Variants in PTN observed in about 807,000 individuals in gnomAD.
PTN encodes heparin affin regulatory protein.
A neutral mutation model predicts 24.1 loss-of-function variants in PTN; 18 were observed. The ratio of observed to expected loss-of-function variants is 0.75; its 90% CI spans 0.52 to 1.11. The LOEUF (loss-of-function observed/expected upper bound fraction) is 1.11. Among genes scored for constraint, PTN ranks in the 50% least tolerant of loss-of-function variants. The pLI, the probability that PTN is intolerant of heterozygous loss-of-function variation, is 0.00. For synonymous variants in PTN, 78 were observed against 68.6 expected (o/e 1.14, Z -0.67); for missense variants, 163 against 198.8 (o/e 0.82, Z 1.08).
intron 1 of PTN, among the ~76,000 whole-genome samples, chr7:137,329,098 A>C (rs1028561724): frequency 2.6e-5 from 4 of 152,112 alleles, no homozygotes; most frequent in African/African-American, 7.2e-5. Context: ...TCTGAGATAC[A>C]TTTCCCTCAT....
At chr7:137,238,425 T>C (rs1490563754) in intron 4 of PTN, among the ~76,000 whole-genome samples, 1 of 152,204 alleles carries the variant, frequency 6.6e-6, no homozygotes, top group Non-Finnish European at 1.5e-5. Flanking sequence ...GAGTGATCAT[T>C]TGTTTTCAGA....
intron 1 of PTN, among the ~76,000 whole-genome samples, chr7:137,341,665 C>A (rs923782621): frequency 6.6e-6 from 1 of 152,084 alleles, no homozygotes; most frequent in South Asian, 2.1e-4. Context: ...AACACAGCAC[C>A]TAATGCTGTT....
At chr7:137,276,797 AG>A (rs1201927650) in intron 1 of PTN, among the ~76,000 whole-genome samples, 1 of 148,236 alleles carries the variant, frequency 6.7e-6, no homozygotes. Flanking sequence ...TGCTTTTAAC[AG>A]AAAAAAAAAA....
intron 4 of PTN, among the ~76,000 whole-genome samples, chr7:137,228,306 G>T (rs1696588498): frequency 6.6e-6 from 1 of 151,676 alleles, no homozygotes; most frequent in South Asian, 2.1e-4. Flanking sequence ...CTGTGAGAGT[G>T]GGCAGGAGGA....
intron 1 of PTN, among the ~76,000 whole-genome samples, chr7:137,273,577 C>T (rs1809311239): frequency 1.3e-5 from 2 of 152,032 alleles, no homozygotes; most frequent in South Asian, 4.2e-4. Flanking sequence ...GTAGAAGGAC[C>T]ATGTAAGCAA....
chr7:137,227,389 C>T lies in PTN; in HGVS notation c.*631G>A, dbSNP rs565109548. 3 of 149,780 alleles carry T rather than the reference C, an allele frequency of 2.0e-5. No individual in the cohort carries two copies. The East Asian group carries it at 5.9e-4, about 30-fold the overall frequency. The allele number at this position is 149,780 out of a possible 1,614,324, so 9.3% of individuals were successfully genotyped here. A position where few individuals can be genotyped will look rare whatever the true frequency, so the allele number is the denominator to read the frequency against. ...TTTATTTTCCTAGTATTTTTTTCCT[C>T]AGATGGAAAAATAATTTCATCAAGA... On this transcript the variant is annotated 3_prime_UTR_variant, in exon 5 of 5. Coordinates refer to ENST00000348225, the MANE Select transcript of PTN (RefSeq NM_002825.7).
chr7:137,240,080 C>T (rs1808602322), intron 4 of PTN, among the ~76,000 whole-genome samples: 1 of 152,170 alleles, frequency 6.6e-6, no homozygotes, highest in South Asian at 2.1e-4. Flanking sequence ...GAGAGGCTTT[C>T]CCCGATTACT....
chr7:137,242,681 G>A (rs1808651413), intron 4 of PTN, among the ~76,000 whole-genome samples: 1 of 152,184 alleles, frequency 6.6e-6, no homozygotes, highest in Non-Finnish European at 1.5e-5. Context: ...CCTGTGGCCT[G>A]AAGGAACCTC....
chr7:137,227,807 A>G lies in PTN; in HGVS notation c.*213T>C, dbSNP rs865979973. 27 of 396,618 alleles carry G rather than the reference A, an allele frequency of 6.8e-5. No individual in the cohort carries two copies. In the Middle Eastern group the frequency reaches 2.0e-3, roughly 29 times the overall value. 24.6% of individuals were successfully genotyped at this position (396,618 alleles called of 1,614,324 possible). ...CATGTACTATAAGTCAACTTCCTAA[A>G]TAAGATTACAGTCCTTTATTATAAG... On this transcript the variant is annotated 3_prime_UTR_variant, in exon 5 of 5. Coordinates refer to ENST00000348225, the MANE Select transcript of PTN (RefSeq NM_002825.7).
intron 4 of PTN, among the ~76,000 whole-genome samples, chr7:137,245,336 G>A (rs1808704792): frequency 6.6e-6 from 1 of 152,156 alleles, no homozygotes. Context: ...ACCAATGATG[G>A]ACCACATATA....
At chr7:137,272,176 C>G (rs1809286151) in intron 1 of PTN, among the ~76,000 whole-genome samples, 1 of 152,068 alleles carries the variant, frequency 6.6e-6, no homozygotes, top group Admixed American at 6.5e-5. Context: ...TTCTTATTTC[C>G]TTCTAAACCA....
chr7:137,235,986 A>G (rs780870757), intron 4 of PTN, among the ~76,000 whole-genome samples: 1 of 152,172 alleles, frequency 6.6e-6, no homozygotes, highest in Non-Finnish European at 1.5e-5. Flanking sequence ...TCAGCATTTA[A>G]CTGCATCTCC....
chr7:137,227,867 G>A lies in PTN; in HGVS notation c.*153C>T, dbSNP rs1463718089. The A allele has an allele frequency of 6.6e-6, 6 of 908,772 alleles. No homozygotes were observed. The highest frequency in any genetic ancestry group is 5.1e-5 in the African/African-American group (3 of 58,552). The allele number at this position is 908,772 out of a possible 1,614,324, so 56.3% of individuals were successfully genotyped here. ...GTACTATAGTATACATTTAAAAAAC[G>A]CTACTACAAAAATTTTCTTTTCTTT... On this transcript the variant is annotated 3_prime_UTR_variant, in exon 5 of 5. Coordinates refer to ENST00000348225, the MANE Select transcript of PTN (RefSeq NM_002825.7).
At chr7:137,263,657 A>G (rs1809083395) in intron 1 of PTN, among the ~76,000 whole-genome samples, 1 of 152,094 alleles carries the variant, frequency 6.6e-6, no homozygotes, top group Admixed American at 6.5e-5. Context: ...GCTATTCATT[A>G]TTTTTGAATT....
At chr7:137,327,394 C>T (rs1018629884) in intron 1 of PTN, among the ~76,000 whole-genome samples, 4 of 152,066 alleles carry the variant, frequency 2.6e-5, no homozygotes, top group Non-Finnish European at 5.9e-5. Context: ...ACTCTCTGCA[C>T]AAATCAGGCC....
rs1808360684 is a variant in PTN at position 137,227,889 on chromosome 7, CTTTTT to C, written c.*126_*130del. On this transcript the variant is annotated 3_prime_UTR_variant, in exon 5 of 5. Transcript: ENST00000348225. ...AACGCTACTACAAAAATTTTCTTTT[CTTTTT>C]GTTTTTGCTTATTGTGTACTTAGCT... is the stretch of plus-strand genomic sequence containing the variant. 2.2e-5 allele frequency: 28 copies of C among 1,298,332 alleles called. No homozygotes were observed. In the South Asian group the frequency reaches 4.4e-4, roughly 20 times the overall value. The allele number at this position is 1,298,332 out of a possible 1,614,324, so 80.4% of individuals were successfully genotyped here. A position where few individuals can be genotyped will look rare whatever the true frequency, so the allele number is the denominator to read the frequency against.
intron 1 of PTN, among the ~76,000 whole-genome samples, chr7:137,300,096 C>T (rs1809782798): frequency 6.6e-6 from 1 of 151,684 alleles, no homozygotes; most frequent in African/African-American, 2.4e-5. Context: ...ATCTTTCTTT[C>T]TCGGTGGGTA....
At chr7:137,246,931 T>C (rs1808733242) in intron 4 of PTN, among the ~76,000 whole-genome samples, 1 of 152,204 alleles carries the variant, frequency 6.6e-6, no homozygotes, top group Non-Finnish European at 1.5e-5. Flanking sequence ...TGCTTTTTCA[T>C]ATATAAAGTA....
intron 4 of PTN, among the ~76,000 whole-genome samples, chr7:137,250,005 T>TA: frequency 6.6e-6 from 1 of 150,964 alleles, no homozygotes; most frequent in Admixed American, 6.6e-5. Flanking sequence ...CTTCTGCAGA[T>TA]TTTTTTTTTC....
Sources: gnomAD v4.1 joint callset for allele counts (sites outside exome capture counted in the v4.1 genomes callset) on GRCh38, gnomAD v4.1.1 for gene constraint, MANE v1.5 for transcripts, NCBI Gene and HGNC (gene_info 2026-07-23, HGNC 2026-07-21) for gene names.